The following METTL27 variants were observed in gnomAD, a reference collection of about 807,000 sequenced individuals.
The protein encoded by METTL27 is methyltransferase like 27, also known as methyltransferase-like protein 27.
Under a neutral mutation model 24.5 loss-of-function variants are expected in METTL27, and 29 were observed. The observed-to-expected ratio is 1.18, with a 90% CI of 0.88 to 1.61. The LOEUF is 1.61. Ranked by LOEUF, METTL27 falls within the 40% of genes most tolerant of loss-of-function variation. The pLI, the probability that METTL27 is intolerant of heterozygous loss-of-function variation, is 0.00. For missense variants in METTL27, 341 were observed against 324.3 expected (o/e 1.05, Z -0.40); for synonymous variants, 138 against 146.8 (o/e 0.94, Z 0.43).
chr7:73,842,414 TC>T (rs2130564638), intron 1 of METTL27, 75 bp downstream of exon 1: 1 of 431,628 alleles, frequency 2.3e-6, no homozygotes, highest in East Asian at 4.5e-5. Context: ...TTTTCCGCCC[TC>T]CGACTGAGAG....
chr7:73,835,404 G>T (rs915379531), intron 5 of METTL27, among the ~76,000 whole-genome samples: 2 of 144,370 alleles, frequency 1.4e-5, no homozygotes, highest in Admixed American at 1.4e-4. Context: ...TGGTGGAGAC[G>T]GGGTTTCGCT....
chr7:73,839,154 G>A (rs1788286050), intron 5 of METTL27, among the ~76,000 whole-genome samples: 1 of 152,198 alleles, frequency 6.6e-6, no homozygotes, highest in South Asian at 2.1e-4. Flanking sequence ...GTGGTGGTGG[G>A]CTCCTGTAAT....
intron 5 of METTL27, among the ~76,000 whole-genome samples, chr7:73,838,650 G>A (rs4304218): frequency 0.62 from 94,275 of 152,024 alleles, 30,694 homozygotes; most frequent in Non-Finnish European, 0.74. Flanking sequence ...GCAAGCACAG[G>A]TTGGGCTAGG....
chr7:73,836,417 C>A (rs1788198198), intron 5 of METTL27, among the ~76,000 whole-genome samples: 1 of 145,978 alleles, frequency 6.9e-6, no homozygotes, highest in African/African-American at 2.6e-5. Context: ...GGGGTCAGCC[C>A]CCCGCCCGGC....
intron 2 of METTL27, 111 bp downstream of exon 2, chr7:73,841,907 C>A: frequency 6.4e-7 from 1 of 1,558,274 alleles, no homozygotes; most frequent in Non-Finnish European, 8.7e-7. Context: ...GGTTCTTAGC[C>A]AGGCCTCACT....
At chr7:73,841,008 C>T in intron 3 of METTL27, 62 bp downstream of exon 3, 1 of 1,404,826 alleles carries the variant, frequency 7.1e-7, no homozygotes, top group Non-Finnish European at 9.3e-7. Flanking sequence ...GGGCCAGGGG[C>T]AGTAGGAGAT....
chr7:73,836,657 TGG>T (rs1163067047), intron 5 of METTL27, among the ~76,000 whole-genome samples: 1 of 10,632 alleles, frequency 9.4e-5, no homozygotes, highest in African/African-American at 3.3e-4. Context: ...GGGAGGGAGG[TGG>T]GGGGGGTCAG....
intron 5 of METTL27, among the ~76,000 whole-genome samples, chr7:73,837,628 CTCTT>C (rs1295096487): frequency 4.6e-5 from 7 of 151,850 alleles, no homozygotes; most frequent in Admixed American, 6.6e-5. Flanking sequence ...CAATGGCATG[CTCTT>C]GGCTCACTTC....
Position 73,840,020 on chromosome 7 carries a change from C to T in METTL27, c.478+11G>A, listed in dbSNP as rs1209785764. 3 of 1,602,166 alleles carry T rather than the reference C, an allele frequency of 1.9e-6. No homozygotes were observed. The highest frequency in any genetic ancestry group is 1.3e-5 in the African/African-American group (1 of 74,698). On this transcript the variant is annotated intron_variant, in intron 5 of 5. Coordinates refer to ENST00000297873, the MANE Select transcript of METTL27 (RefSeq NM_152559.3). ...CGGGGGTTGGGGGTGGTTGGCTGGG[C>T]TGCTCCTCACCTGGCTTGGTGACAT... is the stretch of plus-strand genomic sequence containing the variant.
At chr7:73,842,217 C>G in intron 1 of METTL27, 73 bp from the exon 2 acceptor site, 1 of 1,531,472 alleles carries the variant, frequency 6.5e-7, no homozygotes, top group Non-Finnish European at 8.7e-7. Context: ...CTTCCCTCCT[C>G]CCCCTTCAGA....
In METTL27 at chr7:73,837,306, TTTAAAAAAAA is replaced by T. The variant is rs1273737527; in HGVS notation, c.479-2314_479-2305del. 2.0e-4 allele frequency among the ~76,000 whole-genome samples: 12 copies of T among 60,466 alleles called. 1 individual carries two copies. The highest frequency in any genetic ancestry group is 4.0e-4 in the South Asian group (1 of 2,494). The allele number at this position is 60,466 out of a possible 152,430, so 39.7% of individuals were successfully genotyped here. On this transcript the variant is annotated intron_variant, in intron 5 of 5. Transcript: ENST00000297873. ...AAAAATAAATAAATAAATAAATAAA[TTTAAAAAAAA>T]TAAAAAAAAATAAAAAGTCAATCAA...
chr7:73,839,978 G>T, intron 5 of METTL27, 53 bp downstream of exon 5: 1 of 1,526,126 alleles, frequency 6.6e-7, no homozygotes, highest in East Asian at 2.3e-5. Flanking sequence ...CTATGCACAG[G>T]GGAAGGTATA....
At chr7:73,840,001 T>G in intron 5 of METTL27, 30 bp downstream of exon 5, 6 of 1,565,170 alleles carry the variant, frequency 3.8e-6, no homozygotes, top group Non-Finnish European at 5.2e-6. Context: ...GTGACGGGGG[T>G]TGGGGGTGGT....
In METTL27 at chr7:73,839,911, G is replaced by T. The variant is rs1197833934; in HGVS notation, c.478+120C>A. ...GATGTTAGGCTAGGCTGTGTGTGACGCTGGGCAGGACGCTGCCCCTCGCTT... is the reference window on the plus strand; with the variant it reads ...GATGTTAGGCTAGGCTGTGTGTGACTCTGGGCAGGACGCTGCCCCTCGCTT... On this transcript the variant is annotated intron_variant, in intron 5 of 5. Coordinates refer to ENST00000297873, the MANE Select transcript of METTL27 (RefSeq NM_152559.3). 5.6e-6 allele frequency: 5 copies of T among 887,500 alleles called. No homozygotes were observed. The East Asian group carries it at 8.5e-5, about 15-fold the overall frequency. 55.0% of individuals were successfully genotyped at this position (887,500 alleles called of 1,614,324 possible).
chr7:73,840,128 TG>T lies in METTL27; in HGVS notation c.389-9del, dbSNP rs2130556262. The T allele has an allele frequency of 1.7e-6, 2 of 1,210,874 alleles. No individual in the cohort carries two copies. Among genetic ancestry groups the T allele is most frequent in the Non-Finnish European group, 1.1e-6 (1 of 906,592 alleles). The allele number at this position is 1,210,874 out of a possible 1,614,324, so 75.0% of individuals were successfully genotyped here. A position where few individuals can be genotyped will look rare whatever the true frequency, so the allele number is the denominator to read the frequency against. On this transcript the variant is annotated splice_polypyrimidine_tract_variant and intron_variant, in intron 4 of 5. Transcript: ENST00000297873. ...GCACCGCGTCGAAGGTCCCTGTGTG[TG>T]TGTGGGGGGGGGTGGGGACATGGTG... is the stretch of plus-strand genomic sequence containing the variant.
chr7:73,836,811 G>C lies in METTL27; in HGVS notation c.479-1809C>G, dbSNP rs1217497131. Among the ~76,000 whole-genome samples, 3 of 85,832 alleles carry C rather than the reference G, an allele frequency of 3.5e-5. 1 individual carries two copies. The highest frequency in any genetic ancestry group is 3.1e-4 in the Admixed American group (3 of 9,788). 56.3% of individuals were successfully genotyped at this position (85,832 alleles called of 152,430 possible). A position where few individuals can be genotyped will look rare whatever the true frequency, so the allele number is the denominator to read the frequency against. On this transcript the variant is annotated intron_variant, in intron 5 of 5. Transcript: ENST00000297873. ...CAACAGCTCATTGAGAACGAGCCAG[G>C]ATGACAATGGCGGCTTTGTGGAATA...
At chr7:73,838,421 C>T (rs1376006796) in intron 5 of METTL27, among the ~76,000 whole-genome samples, 2 of 152,180 alleles carry the variant, frequency 1.3e-5, no homozygotes, top group Non-Finnish European at 2.9e-5. Flanking sequence ...GCCTTGTCAC[C>T]TCAGGTCCAG....
At position 73,840,128 on chromosome 7, in the gene METTL27, T is replaced by TC; in HGVS notation, c.389-9_389-8insG. The TC allele has an allele frequency of 8.3e-7, 1 of 1,210,874 alleles. No individual in the cohort carries two copies. Among genetic ancestry groups the TC allele is most frequent in the Non-Finnish European group, 1.1e-6 (1 of 906,592 alleles). The allele number at this position is 1,210,874 out of a possible 1,614,324, so 75.0% of individuals were successfully genotyped here. Reference sequence around the variant, plus strand: ...GCACCGCGTCGAAGGTCCCTGTGTGTGTGTGGGGGGGGGTGGGGACATGGT... The same window carrying TC: ...GCACCGCGTCGAAGGTCCCTGTGTGTCGTGTGGGGGGGGGTGGGGACATGGT... On this transcript the variant is annotated splice_polypyrimidine_tract_variant and intron_variant, in intron 4 of 5. Coordinates refer to ENST00000297873, the MANE Select transcript of METTL27 (RefSeq NM_152559.3).
chr7:73,841,724 C>A (rs1358231013), intron 2 of METTL27, among the ~76,000 whole-genome samples: 1 of 152,092 alleles, frequency 6.6e-6, no homozygotes, highest in Non-Finnish European at 1.5e-5. Flanking sequence ...GTGATCCGCC[C>A]GCCTCGGCCT....
Sources: allele counts gnomAD v4.1 joint callset (sites outside exome capture counted in the v4.1 genomes callset), GRCh38; gene constraint gnomAD v4.1.1; transcripts MANE v1.5; gene names NCBI Gene and HGNC (gene_info 2026-07-23, HGNC 2026-07-21).